Variants in ADGRA1 observed in about 807,000 individuals in gnomAD.
ADGRA1 encodes adhesion G protein-coupled receptor A1, also known as G-protein coupled receptor 123.
ADGRA1 carries 12 observed loss-of-function variants against 21.3 expected under a neutral mutation model. The observed-to-expected ratio is 0.56, with a 90% CI of 0.36 to 0.91. ADGRA1 has a LOEUF of 0.91. ADGRA1 is among the 40% of genes least tolerant of loss of function. The probability of loss-of-function intolerance (pLI) is 0.01; values close to 1 mark genes in which losing one functional copy is unlikely to be tolerated. For synonymous variants in ADGRA1, 385 were observed against 368.8 expected (o/e 1.04, Z -0.50); for missense variants, 790 against 805.6 (o/e 0.98, Z 0.23).
intron 2 of ADGRA1, 101 bp from the exon 3 acceptor site, chr10:133,096,873 G>C: frequency 1.4e-6 from 2 of 1,405,656 alleles, no homozygotes; most frequent in Non-Finnish European, 9.7e-7. Context: ...TGCCTGGAGC[G>C]GCTGCAGGGG....
chr10:133,109,685 G>T (rs1333403023), intron 5 of ADGRA1, among the ~76,000 whole-genome samples: 1 of 152,214 alleles, frequency 6.6e-6, no homozygotes, highest in Non-Finnish European at 1.5e-5. Flanking sequence ...TGACAATGAC[G>T]GGAAGGTCCC....
At chr10:133,103,308 C>T (rs539498584) in intron 5 of ADGRA1, among the ~76,000 whole-genome samples, 1 of 152,344 alleles carries the variant, frequency 6.6e-6, no homozygotes, top group East Asian at 1.9e-4. Context: ...GCTTCGGCTT[C>T]ATGGTCTCCG....
intron 3 of ADGRA1, among the ~76,000 whole-genome samples, chr10:133,097,664 G>C (rs1851711293): frequency 6.6e-6 from 1 of 152,240 alleles, no homozygotes; most frequent in Non-Finnish European, 1.5e-5. Context: ...GGCTTGGGCG[G>C]TTCCGAAACT....
chr10:133,099,917 A>C (rs1851760064), intron 4 of ADGRA1, among the ~76,000 whole-genome samples: 1 of 152,096 alleles, frequency 6.6e-6, no homozygotes, highest in Admixed American at 6.5e-5. Context: ...AGTGGTGGAG[A>C]CTCATGCAGG....
intron 5 of ADGRA1, among the ~76,000 whole-genome samples, chr10:133,121,675 T>C (rs1051524413): frequency 1.2e-4 from 17 of 145,640 alleles, no homozygotes; most frequent in Non-Finnish European, 2.1e-4. Flanking sequence ...CCAGTGTGCA[T>C]GTGTGCATGT....
intron 5 of ADGRA1, among the ~76,000 whole-genome samples, chr10:133,115,702 C>T (rs570457996): frequency 2.6e-5 from 4 of 152,292 alleles, no homozygotes; most frequent in East Asian, 1.9e-4. Flanking sequence ...TCACCCCTCC[C>T]GGGCCCCTTG....
At position 133,131,191 on chromosome 10, in the gene ADGRA1, C is replaced by T. The variant is rs1286927720; in HGVS notation, c.*1680C>T. The T allele has an allele frequency of 1.3e-5, 2 of 152,174 alleles. No individual in the cohort carries two copies. The highest frequency in any genetic ancestry group is 2.9e-5 in the Non-Finnish European group (2 of 68,036). 9.4% of individuals were successfully genotyped at this position (152,174 alleles called of 1,614,324 possible). ...ATCTGAGTATGAGGAGCCTCACTTC[C>T]CGGGGTGTCGGTAAACTTGACCGTG... On this transcript the variant is annotated 3_prime_UTR_variant, in exon 7 of 7. Transcript: ENST00000392607.
chr10:133,108,244 G>C (rs1678312271), intron 5 of ADGRA1, among the ~76,000 whole-genome samples: 2 of 152,238 alleles, frequency 1.3e-5, no homozygotes, highest in African/African-American at 4.8e-5. Flanking sequence ...CCTGGCCCCA[G>C]AGCTCTGCCT....
chr10:133,096,356 A>G (rs1564843517), intron 2 of ADGRA1, among the ~76,000 whole-genome samples: 1 of 152,204 alleles, frequency 6.6e-6, no homozygotes. Flanking sequence ...ACTCTGCCAC[A>G]GAGAACACAC....
Position 133,100,823 on chromosome 10 carries a change from C to T in ADGRA1, c.256-1874C>T, listed in dbSNP as rs549116195. 1.3e-4 allele frequency among the ~76,000 whole-genome samples: 20 copies of T among 152,294 alleles called. No homozygotes were observed. The East Asian group carries it at 2.3e-3, about 18-fold the overall frequency. On this transcript the variant is annotated intron_variant, in intron 4 of 6. Transcript: ENST00000392607. ...TGTGAAGCCGCGTTCCAGAACAGGACGCAAGTGTGGAAAATGAACCGTGGG... is the reference window on the plus strand; with the variant it reads ...TGTGAAGCCGCGTTCCAGAACAGGATGCAAGTGTGGAAAATGAACCGTGGG...
At position 133,096,957 on chromosome 10, in the gene ADGRA1, C is replaced by G; in HGVS notation, c.4-17C>G. ...CCCACCAGCCAGTCACACACGTCTC[C>G]TTTGCTTTATCCTCAGGATCTGAAG... On this transcript the variant is annotated splice_polypyrimidine_tract_variant and intron_variant, in intron 2 of 6. Coordinates refer to ENST00000392607, the MANE Select transcript of ADGRA1 (RefSeq NM_001083909.3). 6.2e-7 allele frequency: 1 copy of G among 1,604,864 alleles called. No homozygotes were observed. The highest frequency in any genetic ancestry group is 2.2e-5 in the East Asian group (1 of 44,574).
At chr10:133,124,896 C>T (rs1160196618) in intron 5 of ADGRA1, among the ~76,000 whole-genome samples, 3 of 152,342 alleles carry the variant, frequency 2.0e-5, no homozygotes, top group Non-Finnish European at 4.4e-5. Flanking sequence ...CCAGCGGCGG[C>T]GGCGAGAAAA....
At chr10:133,093,016 C>T in intron 2 of ADGRA1, 1 of 1,593,234 alleles carries the variant, frequency 6.3e-7, no homozygotes, top group Non-Finnish European at 8.5e-7. Context: ...GGTTCCTCAG[C>T]CAGTCGGAGC....
At chr10:133,128,062 G>C (rs12259457) in intron 6 of ADGRA1, among the ~76,000 whole-genome samples, 151 of 65,844 alleles carry the variant, frequency 2.3e-3, no homozygotes, top group African/African-American at 8.7e-3. Flanking sequence ...ACCCAGACCC[G>C]CCCTGCACCT....
At chr10:133,105,324 G>A (rs1215780031) in intron 5 of ADGRA1, among the ~76,000 whole-genome samples, 2 of 152,170 alleles carry the variant, frequency 1.3e-5, no homozygotes, top group Non-Finnish European at 2.9e-5. Context: ...CTCAGCCGCC[G>A]TGCATGAAGG....
At chr10:133,113,630 C>T (rs1426784614) in intron 5 of ADGRA1, among the ~76,000 whole-genome samples, 1 of 152,180 alleles carries the variant, frequency 6.6e-6, no homozygotes, top group Non-Finnish European at 1.5e-5. Flanking sequence ...ATCTGGAATG[C>T]GTGCCTGAGG....
Position 133,131,650 on chromosome 10 carries a change from T to G in ADGRA1, c.*2139T>G, listed in dbSNP as rs981530496. 2 of 152,524 alleles carry G rather than the reference T, an allele frequency of 1.3e-5. No individual in the cohort carries two copies. The highest frequency in any genetic ancestry group is 4.8e-5 in the African/African-American group (2 of 41,452). The allele number at this position is 152,524 out of a possible 1,614,324, so 9.4% of individuals were successfully genotyped here. A position where few individuals can be genotyped will look rare whatever the true frequency, so the allele number is the denominator to read the frequency against. Reference sequence around the variant, plus strand: ...ACCAAAGAAAGTCAACATTGAACATTAAACCTCTGTGTGTTTCTATACTGA... The same window carrying G: ...ACCAAAGAAAGTCAACATTGAACATGAAACCTCTGTGTGTTTCTATACTGA... On this transcript the variant is annotated 3_prime_UTR_variant, in exon 7 of 7. Transcript: ENST00000392607.
chr10:133,113,171 CGTCGGTT>C (rs1852093292), intron 5 of ADGRA1, among the ~76,000 whole-genome samples: 1 of 60,664 alleles, frequency 1.6e-5, no homozygotes, highest in African/African-American at 6.8e-5. Context: ...CTGTAAGCCG[CGTCGGTT>C]ATTTGAGGTC....
rs975067597 is a variant in ADGRA1, at chr10:133,102,657, G to C, written c.256-40G>C. The C allele has an allele frequency of 4.4e-6, 7 of 1,579,746 alleles. No homozygotes were observed. In the African/African-American group the frequency reaches 8.1e-5, roughly 18 times the overall value. On this transcript the variant is annotated intron_variant, in intron 4 of 6. Coordinates refer to ENST00000392607, the MANE Select transcript of ADGRA1 (RefSeq NM_001083909.3). Reference sequence around the variant, plus strand: ...GAGGCTGCTGGGCTCTGGGGGGTGGGTGCCCGCCAAGGGCCTGGCTGACCG... The same window carrying C: ...GAGGCTGCTGGGCTCTGGGGGGTGGCTGCCCGCCAAGGGCCTGGCTGACCG...
Sources: gnomAD v4.1 joint callset for allele counts (sites outside exome capture counted in the v4.1 genomes callset) on GRCh38, gnomAD v4.1.1 for gene constraint, MANE v1.5 for transcripts, NCBI Gene and HGNC (gene_info 2026-07-23, HGNC 2026-07-21) for gene names.